Variants in LHX4 observed in about 807,000 individuals in gnomAD.
LHX4 encodes LIM/homeobox protein Lhx4.
In LHX4, 16 loss-of-function variants were observed where a neutral mutation model predicts 39.2. The observed-to-expected ratio is 0.41, with a 90% CI of 0.28 to 0.62. LHX4 has a LOEUF of 0.62. Among genes scored for constraint, LHX4 ranks in the 20% least tolerant of loss-of-function variants. The pLI is 0.33. For synonymous variants in LHX4, 206 were observed against 198.1 expected, an observed-to-expected ratio of 1.04 and a Z score of -0.33; for missense variants, 439 against 511.9, an observed-to-expected ratio of 0.86 and a Z score of 1.37.
At chr1:180,262,451 T>A (rs946385048) in intron 2 of LHX4, among the ~76,000 whole-genome samples, 3 of 152,092 alleles carry the variant, frequency 2.0e-5, no homozygotes, top group African/African-American at 7.2e-5. Flanking sequence ...GACTAGAACC[T>A]CCACTGCAGG....
At position 180,274,556 on chromosome 1, in the gene LHX4, G is replaced by A. The variant is rs763458380; in HGVS notation, c.1150G>A (p.Glu384Lys). The change falls in exon 6 of 6, where the codon GAA becomes AAA. Residue 384 changes from glutamate (E) to lysine (K), a missense_variant. Glu to Lys is a moderately conservative substitution (Grantham distance 56). Coordinates refer to ENST00000263726, the MANE Select transcript of LHX4 (RefSeq NM_033343.4). ...FPTSPGSWLD[E>K]MDHPPF The stretch of plus-strand genomic sequence containing the variant: ...AACTAGCCCAGGCTCTTGGCTCGAT[G>A]AAATGGATCATCCTCCTTTTTAAAC... 2 of 1,588,640 alleles carry A rather than the reference G, an allele frequency of 1.3e-6. No homozygotes were observed. The highest frequency in any genetic ancestry group is 1.7e-5 in the Admixed American group (1 of 59,404).
At chr1:180,247,498 A>T (rs1273823125) in intron 1 of LHX4, among the ~76,000 whole-genome samples, 1 of 152,182 alleles carries the variant, frequency 6.6e-6, no homozygotes, top group East Asian at 1.9e-4. Flanking sequence ...CGTGACGCAC[A>T]CCAGCACAAT....
chr1:180,245,896 G>A (rs1647363770), intron 1 of LHX4, among the ~76,000 whole-genome samples: 1 of 152,128 alleles, frequency 6.6e-6, no homozygotes, highest in Non-Finnish European at 1.5e-5. Flanking sequence ...TCACTGGGTG[G>A]AAACCCCTGT....
Position 180,234,816 on chromosome 1 carries a change from C to A in LHX4, c.76+4211C>A, listed in dbSNP as rs990980053. 6.6e-6 allele frequency among the ~76,000 whole-genome samples: 1 copy of A among 152,228 alleles called. No individual in the cohort carries two copies. Among genetic ancestry groups the A allele is most frequent in the Admixed American group, 6.5e-5 (1 of 15,290 alleles). On this transcript the variant is annotated intron_variant, in intron 1 of 5. Transcript: ENST00000263726. The surrounding 1 kb of genome is among the most constrained non-coding windows in gnomAD (Gnocchi z 4.8). ...CGTGGAAAACCAGAGCTAGGCGGGG[C>A]TACGCAGGGCTGAGCAGGAGTGGCG... is the stretch of plus-strand genomic sequence containing the variant.
intron 2 of LHX4, among the ~76,000 whole-genome samples, chr1:180,258,615 G>GGTGTGAGAA (rs1647973009): frequency 6.6e-6 from 1 of 152,128 alleles, no homozygotes; most frequent in Non-Finnish European, 1.5e-5. Context: ...AGGCGGTGTG[G>GGTGTGAGAA]GTGTGAGAAG....
At chr1:180,248,552 GGA>G in intron 2 of LHX4, 96 bp downstream of exon 2, 2 of 1,365,130 alleles carry the variant, frequency 1.5e-6, no homozygotes, top group Non-Finnish European at 2.1e-6. Flanking sequence ...CAGGGAGGGT[GGA>G]GAGTCCACTC....
intron 2 of LHX4, among the ~76,000 whole-genome samples, chr1:180,251,448 G>T (rs1006788099): frequency 6.6e-6 from 1 of 152,152 alleles, no homozygotes; most frequent in African/African-American, 2.4e-5. Context: ...CCCCTCTCCC[G>T]GGTGACCCAG....
In LHX4 at chr1:180,274,252, C is replaced by T. The variant is rs139479246; in HGVS notation, c.846C>T (p.Gly282=). The T allele has an allele frequency of 1.4e-4, 220 of 1,614,042 alleles. No homozygotes were observed. The highest frequency in any genetic ancestry group is 1.8e-4 in the South Asian group (16 of 91,086). Residue 282 remains glycine (G), a synonymous_variant, in exon 6 of 6, where the codon GGC becomes GGT. Transcript: ENST00000263726. ...ATGGCAACGTGGGGGACGTTACAGG[C>T]GGACAGTTAATGAATGGGAGCTTCT... The part of the protein sequence containing the change: ...RIYGNVGDVT[G]GQLMNGSFSM...
At chr1:180,246,168 A>T (rs1647377011) in intron 1 of LHX4, among the ~76,000 whole-genome samples, 1 of 152,102 alleles carries the variant, frequency 6.6e-6, no homozygotes, top group Non-Finnish European at 1.5e-5. Flanking sequence ...CCATGAAGGG[A>T]ATAGGCTGGG....
At chr1:180,237,356 T>A (rs1331106437) in intron 1 of LHX4, among the ~76,000 whole-genome samples, 1 of 152,152 alleles carries the variant, frequency 6.6e-6, no homozygotes, top group Non-Finnish European at 1.5e-5. Flanking sequence ...TCTTATTGTC[T>A]GTGGTAGGAA....
upstream of LHX4, among the ~76,000 whole-genome samples, chr1:180,229,773 T>TCCGCC (rs1463361322): frequency 6.8e-6 from 1 of 147,292 alleles, no homozygotes; most frequent in Non-Finnish European, 1.5e-5. Flanking sequence ...CCGGCTCGGC[T>TCCGCC]CCGCCCCGCC....
In LHX4 at chr1:180,266,587, G is replaced by A. The variant is rs1301919609; in HGVS notation, c.444G>A (p.Lys148=). Residue 148 remains lysine (K), a synonymous_variant, in exon 3 of 6, where the codon AAG becomes AAA. Coordinates refer to ENST00000263726, the MANE Select transcript of LHX4 (RefSeq NM_033343.4). This position sits in a 1 kb window ranked among gnomAD's most constrained non-coding sequence, Gnocchi z 5.7. Reference sequence around the variant, plus strand: ...GCAAGGAAGACTACGAGACAGCCAAGCAGAACGGTAAGCAGCATGGCCCCG... The same window carrying A: ...GCAAGGAAGACTACGAGACAGCCAAACAGAACGGTAAGCAGCATGGCCCCG... ...LVCKEDYETA[K]QNDDSEAGAK... The A allele has an allele frequency of 6.2e-7, 1 of 1,614,072 alleles. No homozygotes were observed. The highest frequency in any genetic ancestry group is 2.2e-5 in the East Asian group (1 of 44,874).
intron 1 of LHX4, among the ~76,000 whole-genome samples, chr1:180,235,530 TC>T (rs1166650865): frequency 1.3e-5 from 2 of 152,286 alleles, no homozygotes; most frequent in South Asian, 4.1e-4. Flanking sequence ...AAAGCGATGC[TC>T]CCATTTTCGA....
chr1:180,270,405 C>T (rs1160907441), intron 3 of LHX4: 1 of 152,242 alleles, frequency 6.6e-6, no homozygotes, highest in Non-Finnish European at 1.5e-5. Flanking sequence ...GACTTTATTC[C>T]GTGTGTCCTC....
upstream of LHX4, among the ~76,000 whole-genome samples, chr1:180,230,036 C>G (rs1365715475): frequency 2.0e-5 from 3 of 151,174 alleles, no homozygotes; most frequent in African/African-American, 7.3e-5. The surrounding 1 kb of genome is among the most constrained non-coding windows in gnomAD (Gnocchi z 5.8). Flanking sequence ...CCCCGCCGGC[C>G]TCACTCGGGG....
At chr1:180,241,558 C>CTCGCTT (rs1664445401) in intron 1 of LHX4, among the ~76,000 whole-genome samples, 1 of 152,080 alleles carries the variant, frequency 6.6e-6, no homozygotes, top group Non-Finnish European at 1.5e-5. Flanking sequence ...ACACAGCTAC[C>CTCGCTT]TCGAAAGAGT....
chr1:180,273,386 T>C (rs1388123450), intron 5 of LHX4: 1 of 152,362 alleles, frequency 6.6e-6, no homozygotes, highest in Admixed American at 6.5e-5. Context: ...ATCTGGGCTG[T>C]TGAAGTCAAC....
chr1:180,246,925 G>C (rs1420303321), intron 1 of LHX4, among the ~76,000 whole-genome samples: 1 of 152,204 alleles, frequency 6.6e-6, no homozygotes, highest in African/African-American at 2.4e-5. Flanking sequence ...TGACCGTTTA[G>C]ACAAACAACG....
chr1:180,235,159 G>A (rs1664285309), intron 1 of LHX4, among the ~76,000 whole-genome samples: 1 of 152,270 alleles, frequency 6.6e-6, no homozygotes, highest in African/African-American at 2.4e-5. Context: ...GGACAAGGGA[G>A]GGACCGCCTC....
Sources: allele counts gnomAD v4.1 joint callset (sites outside exome capture counted in the v4.1 genomes callset), GRCh38; gene constraint gnomAD v4.1.1; non-coding constraint Gnocchi (gnomAD v3.1); transcripts MANE v1.5; gene names NCBI Gene and HGNC (gene_info 2026-07-23, HGNC 2026-07-21).